SCTR: variants seen among roughly 807,000 people sequenced by gnomAD.
The protein encoded by SCTR is secretin receptor.
SCTR carries 56 observed loss-of-function variants against 60.8 expected under a neutral mutation model. The ratio of observed to expected loss-of-function variants is 0.92; its 90% CI spans 0.74 to 1.15. SCTR has a LOEUF of 1.15. Among genes scored for constraint, SCTR ranks in the 50% most tolerant of loss-of-function variants. The pLI is 0.00. For missense variants in SCTR, 562 were observed against 550.4 expected, an observed-to-expected ratio of 1.02 and a Z score of -0.21; for synonymous variants, 202 against 217.0, an observed-to-expected ratio of 0.93 and a Z score of 0.61.
intron 10 of SCTR, among the ~76,000 whole-genome samples, chr2:119,447,778 A>T (rs182533554): frequency 1.7e-3 from 265 of 152,154 alleles, no homozygotes; most frequent in African/African-American, 5.9e-3. Flanking sequence ...CACCATCTTG[A>T]CCAGGCTGGT....
chr2:119,457,064 A>C (rs1558842427), intron 7 of SCTR, among the ~76,000 whole-genome samples: 1 of 152,190 alleles, frequency 6.6e-6, no homozygotes, highest in Non-Finnish European at 1.5e-5. Flanking sequence ...GTTTTAAGCC[A>C]CCAAGTTTGT....
intron 2 of SCTR, 45 bp downstream of exon 2, chr2:119,494,383 T>C: frequency 6.2e-7 from 1 of 1,601,150 alleles, no homozygotes; most frequent in Non-Finnish European, 8.5e-7. Context: ...GGACCGGACA[T>C]GCTCCACCCC....
chr2:119,457,872 T>C (rs1683433668), intron 7 of SCTR, among the ~76,000 whole-genome samples: 1 of 152,236 alleles, frequency 6.6e-6, no homozygotes, highest in Middle Eastern at 3.2e-3. Context: ...GCATTAACTC[T>C]GGAGGCTGAG....
intron 1 of SCTR, among the ~76,000 whole-genome samples, chr2:119,517,003 A>G (rs1224564379): frequency 6.6e-6 from 1 of 152,084 alleles, no homozygotes; most frequent in Non-Finnish European, 1.5e-5. Context: ...ACTGTATCGT[A>G]CACTGGAATT....
chr2:119,446,067 T>C (rs1215631865), intron 11 of SCTR, among the ~76,000 whole-genome samples: 1 of 152,248 alleles, frequency 6.6e-6, no homozygotes, highest in Non-Finnish European at 1.5e-5. Context: ...TTTACTGTTG[T>C]TGTTTTTAAG....
At position 119,490,067 on chromosome 2, in the gene SCTR, G is replaced by A. The variant is rs540639540; in HGVS notation, c.193+4361C>T. Among the ~76,000 whole-genome samples, 95 of 152,308 alleles carry A rather than the reference G, an allele frequency of 6.2e-4. No individual in the cohort carries two copies. In the South Asian group the frequency reaches 0.016, roughly 25 times the overall value. On this transcript the variant is annotated intron_variant, in intron 2 of 12. Transcript: ENST00000019103. ...TGCACCTCTGGCTGGCCTTGTTGGTGCCTTGCTTCCTGCTGTCCCAGACGC... is the reference window on the plus strand; with the variant it reads ...TGCACCTCTGGCTGGCCTTGTTGGTACCTTGCTTCCTGCTGTCCCAGACGC...
chr2:119,512,328 CCCTTCCCCTTCCCCTTCTCCTTCT>C (rs1338047025), intron 1 of SCTR, among the ~76,000 whole-genome samples: 57 of 82,378 alleles, frequency 6.9e-4, no homozygotes, highest in South Asian at 4.9e-3. Flanking sequence ...CTTCCCCTTC[CCCTTCCCCTTCCCCTTCTCCTTCT>C]CCTTCTCCTT....
chr2:119,470,827 A>G (rs1676977651), intron 4 of SCTR, among the ~76,000 whole-genome samples: 1 of 152,186 alleles, frequency 6.6e-6, no homozygotes, highest in Non-Finnish European at 1.5e-5. Flanking sequence ...CAGCCTCCCA[A>G]GTAGCTGGGA....
intron 1 of SCTR, among the ~76,000 whole-genome samples, chr2:119,500,255 T>C (rs1678498512): frequency 6.6e-6 from 1 of 152,064 alleles, no homozygotes; most frequent in Non-Finnish European, 1.5e-5. Context: ...AGAAGGGGAA[T>C]GCTTGTATAC....
intron 3 of SCTR, among the ~76,000 whole-genome samples, chr2:119,475,762 C>T (rs1007237122): frequency 2.7e-5 from 4 of 149,446 alleles, no homozygotes; most frequent in East Asian, 1.9e-4. Flanking sequence ...TTATGCAGTT[C>T]GGGGAAAGAC....
chr2:119,512,217 A>C (rs1050124108), intron 1 of SCTR, among the ~76,000 whole-genome samples: 34 of 152,014 alleles, frequency 2.2e-4, no homozygotes, highest in South Asian at 1.9e-3. Context: ...CCACTAGCAG[A>C]GTATCGGACG....
intron 3 of SCTR, among the ~76,000 whole-genome samples, chr2:119,477,673 A>G (rs974892253): frequency 6.6e-6 from 1 of 151,994 alleles, no homozygotes; most frequent in Non-Finnish European, 1.5e-5. Flanking sequence ...CTGGTCTCGA[A>G]CTCCCGACCT....
At chr2:119,449,169 C>T (rs902978361) in intron 9 of SCTR, among the ~76,000 whole-genome samples, 1 of 152,222 alleles carries the variant, frequency 6.6e-6, no homozygotes, top group African/African-American at 2.4e-5. Flanking sequence ...AAAGCCTTTA[C>T]AGCAGTGGTT....
At chr2:119,443,428 T>C (rs540028266) in intron 11 of SCTR, among the ~76,000 whole-genome samples, 9 of 152,384 alleles carry the variant, frequency 5.9e-5, no homozygotes, top group African/African-American at 2.2e-4. Context: ...ACAGAAGTTA[T>C]TTCTGGGTTA....
In SCTR at chr2:119,464,106, G is replaced by A; in HGVS notation, c.636+17C>T. ...CAGGCGGGCCTGGCGACATCCTGGG[G>A]CACCCAGACATATTACCCTGTGGGC... On this transcript the variant is annotated intron_variant, in intron 6 of 12. Coordinates refer to ENST00000019103, the MANE Select transcript of SCTR (RefSeq NM_002980.3). 6.2e-7 allele frequency: 1 copy of A among 1,613,748 alleles called. No individual in the cohort carries two copies. Among genetic ancestry groups the A allele is most frequent in the Non-Finnish European group, 8.5e-7 (1 of 1,179,868 alleles).
Position 119,461,832 on chromosome 2 carries a change from C to A in SCTR, c.790+15G>T. ...CCACATACCATGCAGATATCAGACC[C>A]AGGGAGAAACATACCCCATCCGAAT... On this transcript the variant is annotated intron_variant, in intron 7 of 12. Coordinates refer to ENST00000019103, the MANE Select transcript of SCTR (RefSeq NM_002980.3). 1 of 1,605,796 alleles carries A rather than the reference C, an allele frequency of 6.2e-7. No individual in the cohort carries two copies. The highest frequency in any genetic ancestry group is 8.5e-7 in the Non-Finnish European group (1 of 1,175,856).
At chr2:119,508,383 C>CTTTTTTTTTTTTTTTTTTTTTTTTTTTT (rs34070844) in intron 1 of SCTR, among the ~76,000 whole-genome samples, 2 of 77,376 alleles carry the variant, frequency 2.6e-5, no homozygotes, top group Admixed American at 1.8e-4. Context: ...TCTTCTTCTT[C>CTTTTTTTTTTTTTTTTTTTTTTTTTTTT]TTTTTTTTTT....
intron 2 of SCTR, among the ~76,000 whole-genome samples, chr2:119,489,616 G>C (rs551374997): frequency 3.3e-5 from 5 of 152,300 alleles, no homozygotes; most frequent in African/African-American, 9.6e-5. Flanking sequence ...GGAGCTATGG[G>C]CATTCAGACA....
intron 1 of SCTR, among the ~76,000 whole-genome samples, chr2:119,506,925 A>G (rs1482318082): frequency 6.6e-6 from 1 of 152,210 alleles, no homozygotes; most frequent in East Asian, 1.9e-4. Context: ...AATATTCTGT[A>G]TCTTGACTGC....
Sources: gnomAD v4.1 joint callset for allele counts (sites outside exome capture counted in the v4.1 genomes callset) on GRCh38, gnomAD v4.1.1 for gene constraint, MANE v1.5 for transcripts, NCBI Gene and HGNC (gene_info 2026-07-23, HGNC 2026-07-21) for gene names.